Variants in EHBP1 observed in about 807,000 individuals in gnomAD.
EHBP1 encodes EH domain-binding protein 1.
EHBP1 carries 55 observed loss-of-function variants against 144.0 expected under a neutral mutation model. That is an observed-to-expected ratio of 0.38 (90% CI 0.31 to 0.48). The LOEUF (loss-of-function observed/expected upper bound fraction) is 0.48, where lower values mean the gene tolerates loss of function less well. EHBP1 is among the 20% of genes least tolerant of loss of function. The probability of loss-of-function intolerance (pLI) is 0.98; values close to 1 mark genes in which losing one functional copy is unlikely to be tolerated. For missense variants in EHBP1, 1,200 were observed against 1,364.2 expected (o/e 0.88, Z 1.90); for synonymous variants, 469 against 472.7 (o/e 0.99, Z 0.10).
intron 12 of EHBP1, among the ~76,000 whole-genome samples, chr2:62,944,121 A>G (rs1377072225): frequency 6.6e-6 from 1 of 152,056 alleles, no homozygotes; most frequent in East Asian, 1.9e-4. Context: ...CTTTTTTTCT[A>G]AGATTTAGCT....
chr2:62,942,626 A>C, intron 10 of EHBP1, 92 bp from the exon 11 acceptor site: 1 of 1,125,184 alleles, frequency 8.9e-7, no homozygotes, highest in Non-Finnish European at 1.2e-6. Flanking sequence ...ACTGACATCA[A>C]AGGGTTCAAA....
At chr2:62,997,300 C>A (rs1008711894) in intron 19 of EHBP1, among the ~76,000 whole-genome samples, 12 of 151,958 alleles carry the variant, frequency 7.9e-5, no homozygotes, top group African/African-American at 2.9e-4. Flanking sequence ...CAGTATATAG[C>A]AAGGTTTGTA....
intron 7 of EHBP1, among the ~76,000 whole-genome samples, chr2:62,836,737 C>G (rs1160946064): frequency 7.3e-6 from 1 of 136,716 alleles, no homozygotes; most frequent in Non-Finnish European, 1.6e-5. Context: ...GAAAGGGTAT[C>G]AGCGATGGAA....
chr2:63,017,053 C>G (rs909399225), intron 19 of EHBP1, among the ~76,000 whole-genome samples: 1 of 152,256 alleles, frequency 6.6e-6, no homozygotes, highest in Non-Finnish European at 1.5e-5. Context: ...GGAATGATAA[C>G]TGCTTACTAA....
rs767918347 is a variant in EHBP1, at chr2:62,993,904, C to T, written c.2906C>T (p.Thr969Ile). The T allele has an allele frequency of 1.3e-6, 2 of 1,591,538 alleles. No individual in the cohort carries two copies. The highest frequency in any genetic ancestry group is 1.1e-5 in the South Asian group (1 of 87,792). Residue 969 changes from threonine (T) to isoleucine (I), a missense_variant, in exon 18 of 23, where the codon ACA becomes ATA. Around this residue, in one of 6 missense-constraint regions of EHBP1, gnomAD observed 543 missense variants for 513.1 expected, o/e 1.06. Coordinates refer to ENST00000431489, the MANE Select transcript of EHBP1 (RefSeq NM_001142616.3). ...MKRQRSIQEDTKKGNEEKAAI... is the reference protein window; with the variant it reads ...MKRQRSIQEDIKKGNEEKAAI... Reference sequence around the variant, plus strand: ...AGGCAGAGATCAATACAGGAAGATACAAAGAAAGGAAATGAGGAGAAGGCA... The same window carrying T: ...AGGCAGAGATCAATACAGGAAGATATAAAGAAAGGAAATGAGGAGAAGGCA...
intron 2 of EHBP1, among the ~76,000 whole-genome samples, chr2:62,721,854 AAGG>A (rs1388350566): frequency 6.6e-6 from 1 of 152,192 alleles, no homozygotes; most frequent in Non-Finnish European, 1.5e-5. Flanking sequence ...AGGTTCTGAC[AAGG>A]AGGTACATTG....
chr2:62,728,388 A>G (rs1399064977), intron 2 of EHBP1, among the ~76,000 whole-genome samples: 1 of 152,220 alleles, frequency 6.6e-6, no homozygotes, highest in African/African-American at 2.4e-5. Context: ...CAGTTTCTTC[A>G]TTTCCTCACC....
At position 62,755,725 on chromosome 2, in the gene EHBP1, C is replaced by T. The variant is rs533421418; in HGVS notation, c.162+8273C>T. On this transcript the variant is annotated intron_variant, in intron 3 of 22. Coordinates refer to ENST00000431489, the MANE Select transcript of EHBP1 (RefSeq NM_001142616.3). ...GAAGGGGTTTTAAAAAGAAACATAA[C>T]ATTTGTTGGTCAATATAAGCTTTTG... 2.6e-5 allele frequency among the ~76,000 whole-genome samples: 4 copies of T among 152,158 alleles called. No individual in the cohort carries two copies. In the South Asian group the frequency reaches 6.2e-4, roughly 24 times the overall value.
At chr2:62,769,112 C>T (rs564510261) in intron 4 of EHBP1, among the ~76,000 whole-genome samples, 1 of 152,258 alleles carries the variant, frequency 6.6e-6, no homozygotes, top group African/African-American at 2.4e-5. Context: ...ACAAGGATGC[C>T]CTTTCTCACC....
Position 62,705,837 on chromosome 2 carries a change from C to A in EHBP1, c.-511C>A, listed in dbSNP as rs2034497762. 1 of 60,770 alleles carries A rather than the reference C, an allele frequency of 1.6e-5. No homozygotes were observed. The highest frequency in any genetic ancestry group is 3.1e-5 in the Non-Finnish European group (1 of 32,304). The allele number at this position is 60,770 out of a possible 1,614,324, so 3.8% of individuals were successfully genotyped here. A position where few individuals can be genotyped will look rare whatever the true frequency, so the allele number is the denominator to read the frequency against. On this transcript the variant is annotated 5_prime_UTR_variant, in exon 1 of 23. Coordinates refer to ENST00000431489, the MANE Select transcript of EHBP1 (RefSeq NM_001142616.3). ...GGTAGGGTGGGGGACGGTCGCGGGG[C>A]GATCTGTCAGGGAGGGGGTGGGCGT... is the stretch of plus-strand genomic sequence containing the variant.
chr2:62,874,664 G>A (rs2050741973), intron 10 of EHBP1, 132 bp downstream of exon 10: 1 of 707,524 alleles, frequency 1.4e-6, no homozygotes, highest in South Asian at 2.4e-5. Flanking sequence ...ACAATCTATT[G>A]TACTGCAACA....
chr2:62,684,882 G>A (rs949578912), intron 1 of EHBP1, among the ~76,000 whole-genome samples: 1 of 152,188 alleles, frequency 6.6e-6, no homozygotes. Context: ...AAAACTGGGT[G>A]ACTTACACAG....
At chr2:62,968,304 AG>A (rs1469176557) in intron 14 of EHBP1, among the ~76,000 whole-genome samples, 2 of 152,184 alleles carry the variant, frequency 1.3e-5, no homozygotes, top group Non-Finnish European at 2.9e-5. Context: ...TTCATCATAA[AG>A]GGTTCTTTGG....
At chr2:62,908,625 A>C (rs1356355409) in intron 10 of EHBP1, among the ~76,000 whole-genome samples, 8 of 152,142 alleles carry the variant, frequency 5.3e-5, no homozygotes, top group African/African-American at 1.9e-4. Flanking sequence ...ATTTACATCC[A>C]GGTCAAAATA....
At chr2:62,853,069 TG>T (rs1235499754) in intron 7 of EHBP1, among the ~76,000 whole-genome samples, 2 of 152,238 alleles carry the variant, frequency 1.3e-5, no homozygotes, top group Non-Finnish European at 2.9e-5. Context: ...AAAGGGAAGT[TG>T]ATAAGCTTAT....
intron 8 of EHBP1, among the ~76,000 whole-genome samples, chr2:62,860,152 T>C (rs1410472233): frequency 6.6e-6 from 1 of 152,176 alleles, no homozygotes; most frequent in Non-Finnish European, 1.5e-5. Flanking sequence ...GAGTTTTTTA[T>C]TTTGTTTGAG....
chr2:63,014,656 C>A (rs2060409457), intron 19 of EHBP1, among the ~76,000 whole-genome samples: 1 of 152,180 alleles, frequency 6.6e-6, no homozygotes, highest in Admixed American at 6.5e-5. Context: ...GAAGAAAAAA[C>A]CAAAACTGGG....
chr2:63,000,018 T>G (rs1443696451), intron 19 of EHBP1, among the ~76,000 whole-genome samples: 1 of 152,064 alleles, frequency 6.6e-6, no homozygotes, highest in Non-Finnish European at 1.5e-5. Flanking sequence ...TAGACCTGAG[T>G]CCTAGGCTCC....
intron 5 of EHBP1, among the ~76,000 whole-genome samples, chr2:62,774,907 C>T (rs952345539): frequency 3.3e-5 from 5 of 152,072 alleles, no homozygotes; most frequent in Admixed American, 6.6e-5. Flanking sequence ...GTGTAGTTTA[C>T]ACTCATATGT....
Sources: gnomAD v4.1 joint callset for allele counts (sites outside exome capture counted in the v4.1 genomes callset) on GRCh38, gnomAD v4.1.1 for gene constraint, gnomAD v4.1.1 regional missense constraint, MANE v1.5 for transcripts, NCBI Gene and HGNC (gene_info 2026-07-23, HGNC 2026-07-21) for gene names.